NAALADL2: variants seen among roughly 807,000 people sequenced by gnomAD.
NAALADL2 encodes N-acetylated alpha-linked acidic dipeptidase like 2.
A neutral mutation model predicts 87.2 loss-of-function variants in NAALADL2; 76 were observed. That is an observed-to-expected ratio of 0.87 (90% confidence interval 0.72 to 1.05). The LOEUF is 1.05. NAALADL2 is among the 50% of genes least tolerant of loss of function. NAALADL2 has a pLI of 0.00. For missense variants in NAALADL2, 1,089 were observed against 945.8 expected, an observed-to-expected ratio of 1.15 and a Z score of -1.99; for synonymous variants, 354 against 331.0, an observed-to-expected ratio of 1.07 and a Z score of -0.75.
intron 1 of NAALADL2, among the ~76,000 whole-genome samples, chr3:174,984,546 G>A (rs1324650628): frequency 6.6e-6 from 1 of 152,104 alleles, no homozygotes; most frequent in South Asian, 2.1e-4. Flanking sequence ...CTCAAGGACA[G>A]GACCTAGGAA....
chr3:175,695,843 G>T (rs924920348), intron 11 of NAALADL2, among the ~76,000 whole-genome samples: 4 of 152,094 alleles, frequency 2.6e-5, no homozygotes, highest in Non-Finnish European at 4.4e-5. Context: ...TCTAGATGGT[G>T]ATACGGTTTA....
At chr3:175,274,222 T>C (rs1753262469) in intron 4 of NAALADL2, among the ~76,000 whole-genome samples, 2 of 152,140 alleles carry the variant, frequency 1.3e-5, no homozygotes, top group East Asian at 1.9e-4. Flanking sequence ...TGCCCTTTTA[T>C]AGAACAGTCA....
At chr3:174,996,309 A>G (rs571233774) in intron 1 of NAALADL2, among the ~76,000 whole-genome samples, 1 of 151,546 alleles carries the variant, frequency 6.6e-6, no homozygotes, top group South Asian at 2.1e-4. Flanking sequence ...CATCCTGGCT[A>G]ACACGGTGAA....
chr3:175,699,327 A>T (rs1414934357), intron 11 of NAALADL2, among the ~76,000 whole-genome samples: 1 of 151,946 alleles, frequency 6.6e-6, no homozygotes, highest in Non-Finnish European at 1.5e-5. Context: ...TTTTCCTATT[A>T]TCCATATAGA....
chr3:175,126,248 G>A (rs977009493), intron 2 of NAALADL2, among the ~76,000 whole-genome samples: 2 of 152,036 alleles, frequency 1.3e-5, no homozygotes, highest in Non-Finnish European at 1.5e-5. Flanking sequence ...TAAAAGAGGC[G>A]ATTGACTTAG....
chr3:175,698,645 T>C (rs964829264), intron 11 of NAALADL2, among the ~76,000 whole-genome samples: 2 of 151,114 alleles, frequency 1.3e-5, no homozygotes, highest in South Asian at 2.1e-4. Flanking sequence ...ACATTAAGAA[T>C]AGACAAATTT....
chr3:175,258,171 G>A (rs1027720202), intron 4 of NAALADL2, among the ~76,000 whole-genome samples: 4 of 151,864 alleles, frequency 2.6e-5, no homozygotes, highest in East Asian at 3.9e-4. Flanking sequence ...AGCCAGGCGT[G>A]GTGGCGGGCG....
chr3:174,479,129 A>G (rs925978551), intron 1 of NAALADL2, among the ~76,000 whole-genome samples: 1 of 152,196 alleles, frequency 6.6e-6, no homozygotes, highest in Non-Finnish European at 1.5e-5. Context: ...CAAATTTATG[A>G]TACATTTCGT....
intron 9 of NAALADL2, among the ~76,000 whole-genome samples, chr3:175,480,846 A>T (rs991905981): frequency 5.3e-5 from 8 of 151,920 alleles, no homozygotes; most frequent in African/African-American, 9.7e-5. Flanking sequence ...AAATAAAAGA[A>T]CTATGTATAT....
intron 1 of NAALADL2, among the ~76,000 whole-genome samples, chr3:174,884,390 C>G (rs1019949120): frequency 6.6e-6 from 1 of 152,120 alleles, no homozygotes; most frequent in Admixed American, 6.6e-5. Flanking sequence ...AATGCCATTC[C>G]ACCATTCTAT....
At chr3:175,035,035 A>G (rs969700772) in intron 1 of NAALADL2, among the ~76,000 whole-genome samples, 2 of 152,256 alleles carry the variant, frequency 1.3e-5, no homozygotes, top group Middle Eastern at 3.4e-3. Context: ...GAACAGTTGA[A>G]AGAAGTAATA....
chr3:175,594,617 C>T (rs1211458840), intron 10 of NAALADL2, among the ~76,000 whole-genome samples: 5 of 152,118 alleles, frequency 3.3e-5, no homozygotes, highest in Non-Finnish European at 7.4e-5. Flanking sequence ...TTTACATTCC[C>T]ATCAACAGTA....
intron 3 of NAALADL2, among the ~76,000 whole-genome samples, chr3:174,750,714 G>GT (rs1734740964): frequency 1.3e-5 from 2 of 152,274 alleles, no homozygotes; most frequent in Non-Finnish European, 2.9e-5. Flanking sequence ...AATTACAGGT[G>GT]TGAGCCACCG....
intron 9 of NAALADL2, among the ~76,000 whole-genome samples, chr3:175,547,033 A>G (rs1377546514): frequency 6.6e-6 from 1 of 152,116 alleles, no homozygotes; most frequent in African/African-American, 2.4e-5. Context: ...CTATTAAACT[A>G]CCATTGACAT....
intron 3 of NAALADL2, among the ~76,000 whole-genome samples, chr3:174,738,450 G>C: frequency 6.6e-6 from 1 of 152,170 alleles, no homozygotes; most frequent in East Asian, 1.9e-4. Context: ...TAAGGGAAAG[G>C]TGGCCAATTC....
intron 1 of NAALADL2, among the ~76,000 whole-genome samples, chr3:174,859,707 G>A (rs932721197): frequency 6.6e-6 from 1 of 152,068 alleles, no homozygotes; most frequent in African/African-American, 2.4e-5. Flanking sequence ...GACCCGTGGA[G>A]GGTATGGAAA....
intron 1 of NAALADL2, among the ~76,000 whole-genome samples, chr3:174,969,247 T>C (rs1277654604): frequency 6.6e-6 from 1 of 152,182 alleles, no homozygotes; most frequent in African/African-American, 2.4e-5. Context: ...CATGTTATCT[T>C]AAATGTCATT....
At chr3:175,100,659 G>A (rs532337109) in intron 2 of NAALADL2, among the ~76,000 whole-genome samples, 2 of 151,948 alleles carry the variant, frequency 1.3e-5, no homozygotes, top group African/African-American at 4.8e-5. Context: ...CCAACATGGC[G>A]AAACTCCGTC....
At chr3:175,495,944 T>C (rs982400809) in intron 9 of NAALADL2, among the ~76,000 whole-genome samples, 1 of 152,120 alleles carries the variant, frequency 6.6e-6, no homozygotes. Flanking sequence ...TCCAATTATA[T>C]ATTTTATTTA....
Sources: gnomAD v4.1 joint callset for allele counts (sites outside exome capture counted in the v4.1 genomes callset) on GRCh38, gnomAD v4.1.1 for gene constraint, MANE v1.5 for transcripts, NCBI Gene and HGNC (gene_info 2026-07-23, HGNC 2026-07-21) for gene names.